The following SGCD variants were observed in gnomAD, a reference collection of about 807,000 sequenced individuals.
SGCD encodes sarcoglycan delta.
SGCD carries 18 observed loss-of-function variants against 36.6 expected under a neutral mutation model. That is an observed-to-expected ratio of 0.49 (90% confidence interval 0.34 to 0.73). SGCD has a LOEUF of 0.73. SGCD is among the 30% of genes least tolerant of loss of function. SGCD has a pLI of 0.01. For synonymous variants in SGCD, 133 were observed against 130.6 expected (o/e 1.02, Z -0.12); for missense variants, 387 against 346.7 (o/e 1.12, Z -0.92).
At chr5:156,037,910 G>A (rs1031153880) in intron 1 of SGCD, among the ~76,000 whole-genome samples, 9 of 152,126 alleles carry the variant, frequency 5.9e-5, no homozygotes, top group Non-Finnish European at 1.2e-4. Flanking sequence ...CAGGGTGCAG[G>A]GAGAAGGCAA....
intron 6 of SGCD, among the ~76,000 whole-genome samples, chr5:156,641,233 T>C (rs1389049546): frequency 6.6e-6 from 1 of 152,232 alleles, no homozygotes; most frequent in Non-Finnish European, 1.5e-5. Flanking sequence ...ACATATGTGC[T>C]GTAGAGAAGA....
At chr5:156,295,579 A>C (rs1581225135) in intron 3 of SGCD, among the ~76,000 whole-genome samples, 1 of 152,096 alleles carries the variant, frequency 6.6e-6, no homozygotes, top group East Asian at 1.9e-4. Flanking sequence ...GAGGTCTCTC[A>C]TAGGAGAAGT....
At chr5:156,480,924 G>T (rs1336933216) in intron 3 of SGCD, among the ~76,000 whole-genome samples, 2 of 152,220 alleles carry the variant, frequency 1.3e-5, no homozygotes, top group Non-Finnish European at 2.9e-5. Flanking sequence ...ATATATCTGA[G>T]AATTTGGTGG....
chr5:155,772,346 C>G, the SGCD span, among the ~76,000 whole-genome samples: 3 of 152,248 alleles, frequency 2.0e-5, no homozygotes, highest in South Asian at 6.2e-4. Flanking sequence ...TGATATATTC[C>G]AAGTGCTTTC....
At chr5:156,163,218 C>T (rs969532394) in intron 3 of SGCD, among the ~76,000 whole-genome samples, 2 of 151,574 alleles carry the variant, frequency 1.3e-5, no homozygotes, top group African/African-American at 2.4e-5. Context: ...TACTAAAGTA[C>T]TAAGGATTGA....
At chr5:156,205,211 G>C (rs975874176) in intron 3 of SGCD, among the ~76,000 whole-genome samples, 1 of 151,978 alleles carries the variant, frequency 6.6e-6, no homozygotes, top group African/African-American at 2.4e-5. Flanking sequence ...TGAAAGCCTT[G>C]AGTTTTCAGG....
chr5:155,965,598 T>C (rs1354405592), intron 1 of SGCD, among the ~76,000 whole-genome samples: 1 of 152,132 alleles, frequency 6.6e-6, no homozygotes, highest in Non-Finnish European at 1.5e-5. Context: ...CTCACATCTG[T>C]GCCTGCCACC....
At chr5:155,961,506 G>T (rs189296956) in intron 1 of SGCD, among the ~76,000 whole-genome samples, 1 of 152,098 alleles carries the variant, frequency 6.6e-6, no homozygotes, top group East Asian at 1.9e-4. Context: ...TTAATTGGTC[G>T]GCAGTTTAAC....
chr5:155,996,866 T>TAGATAGATAGAC (rs1561676964), intron 1 of SGCD, among the ~76,000 whole-genome samples: 1 of 103,718 alleles, frequency 9.6e-6, no homozygotes, highest in Non-Finnish European at 2.0e-5. Flanking sequence ...GATGGATGGA[T>TAGATAGATAGAC]AGATAGATAG....
intron 7 of SGCD, among the ~76,000 whole-genome samples, chr5:156,657,715 G>A (rs998760178): frequency 6.6e-6 from 1 of 151,912 alleles, no homozygotes; most frequent in East Asian, 1.9e-4. Context: ...TTGTAGGGGT[G>A]GGTTGCCCCT....
At chr5:155,782,033 T>G in the SGCD span, among the ~76,000 whole-genome samples, 3,016 of 150,866 alleles carry the variant, frequency 0.02, 91 homozygotes, top group African/African-American at 0.068. Context: ...TTTCTTTTTT[T>G]TTTTTTTTTT....
chr5:155,910,254 CT>C (rs1375738582), intron 1 of SGCD, among the ~76,000 whole-genome samples: 1 of 151,936 alleles, frequency 6.6e-6, no homozygotes, highest in Non-Finnish European at 1.5e-5. Flanking sequence ...CCTAATATGT[CT>C]TTTAAAAAAT....
At chr5:155,827,650 A>T in the SGCD span, among the ~76,000 whole-genome samples, 2 of 150,286 alleles carry the variant, frequency 1.3e-5, no homozygotes, top group Non-Finnish European at 3.0e-5. Context: ...AGCCGGGCAC[A>T]TAGCCTCTTC....
intron 3 of SGCD, among the ~76,000 whole-genome samples, chr5:156,223,491 C>T (rs921362185): frequency 1.3e-4 from 20 of 152,012 alleles, no homozygotes; most frequent in Admixed American, 1.1e-3. Flanking sequence ...CTGGGGGCAG[C>T]GAGCAAATGT....
rs75883611 is a variant in SGCD at position 156,195,839 on chromosome 5, C to G, written c.-44+71820C>G. On this transcript the variant is annotated intron_variant, in intron 3 of 9. Coordinates refer to the SGCD transcript ENST00000517913. The stretch of plus-strand genomic sequence containing the variant: ...TACTATTTTGTCTTTGCTTATTAGC[C>G]TATCAACTGTAGCTCATCAAGGGCC... Among the ~76,000 whole-genome samples, 301 of 152,282 alleles carry G rather than the reference C, an allele frequency of 2.0e-3. 1 individual carries two copies. Among genetic ancestry groups the G allele is most frequent in the African/African-American group, 7.1e-3 (296 of 41,558 alleles).
At chr5:155,803,565 TAAGACTCTA>T in the SGCD span, among the ~76,000 whole-genome samples, 9 of 152,166 alleles carry the variant, frequency 5.9e-5, no homozygotes, top group Non-Finnish European at 8.8e-5. Context: ...TGTAACTCTC[TAAGACTCTA>T]AGCAGAGAAG....
chr5:156,725,139 G>C (rs1755707382), intron 7 of SGCD, among the ~76,000 whole-genome samples: 1 of 152,120 alleles, frequency 6.6e-6, no homozygotes, highest in South Asian at 2.1e-4. Context: ...ATTGAGTTTG[G>C]GTGTCTAAGA....
chr5:156,081,302 C>T (rs754157107), intron 1 of SGCD, among the ~76,000 whole-genome samples: 1 of 152,144 alleles, frequency 6.6e-6, no homozygotes, highest in Non-Finnish European at 1.5e-5. Flanking sequence ...GGGATCTGCC[C>T]TCATGATGCA....
chr5:156,440,713 T>C (rs1375504452), intron 3 of SGCD, among the ~76,000 whole-genome samples: 3 of 152,164 alleles, frequency 2.0e-5, no homozygotes, highest in Non-Finnish European at 4.4e-5. Context: ...TGATGAATGA[T>C]AATTGAGCAT....
Sources: allele counts gnomAD v4.1 joint callset (sites outside exome capture counted in the v4.1 genomes callset), GRCh38; gene constraint gnomAD v4.1.1; transcripts MANE v1.5; gene names NCBI Gene and HGNC (gene_info 2026-07-23, HGNC 2026-07-21).